The following PTPRS variants were observed in gnomAD, a reference collection of about 807,000 sequenced individuals.
PTPRS encodes the protein protein tyrosine phosphatase receptor type S.
A neutral mutation model predicts 215.3 loss-of-function variants in PTPRS; 63 were observed. That is an observed-to-expected ratio of 0.29 (90% CI 0.24 to 0.36). PTPRS has a LOEUF of 0.36. Ranked by LOEUF, PTPRS falls within the 10% of genes least tolerant of loss-of-function variation. The pLI, the probability that PTPRS is intolerant of heterozygous loss-of-function variation, is 1.00. For missense variants in PTPRS, 2,258 were observed against 2,825.8 expected (o/e 0.80, Z 4.56); for synonymous variants, 1,404 against 1,191.4 (o/e 1.18, Z -3.68).
At chr19:5,212,840 C>A (rs2041041853) in intron 30 of PTPRS, among the ~76,000 whole-genome samples, 1 of 111,644 alleles carries the variant, frequency 9.0e-6, no homozygotes, top group African/African-American at 3.7e-5. Flanking sequence ...GAAACTCCAT[C>A]TCAAAAAAAA....
intron 1 of PTPRS, among the ~76,000 whole-genome samples, chr19:5,314,992 C>G (rs1297936563): frequency 6.6e-6 from 1 of 152,182 alleles, no homozygotes; most frequent in Non-Finnish European, 1.5e-5. Context: ...TAGCGAGCAC[C>G]TACTATGCAC....
chr19:5,264,128 C>G (rs537039946), intron 5 of PTPRS, among the ~76,000 whole-genome samples: 1 of 127,494 alleles, frequency 7.8e-6, no homozygotes, highest in African/African-American at 2.7e-5. Context: ...CTGGACTGCC[C>G]GTCTGTGCCC....
intron 23 of PTPRS, 140 bp from the exon 24 acceptor site, chr19:5,218,938 G>T: frequency 1.1e-6 from 1 of 911,640 alleles, no homozygotes; most frequent in Non-Finnish European, 1.6e-6. Context: ...GGAAAATGGT[G>T]CTCATATTTC....
intron 1 of PTPRS, among the ~76,000 whole-genome samples, chr19:5,331,778 C>T (rs561565151): frequency 2.0e-5 from 3 of 152,328 alleles, no homozygotes; most frequent in East Asian, 1.9e-4. Flanking sequence ...CCCTGCCCCG[C>T]GGGACAGCCG....
At position 5,216,785 on chromosome 19, in the gene PTPRS, T is replaced by C. The variant is rs1224334808; in HGVS notation, c.4049-18A>G. ...GCCTGAATCTGCAAACAGCAAACAA[T>C]AAATAAATGAAAACATGCAGGGGGT... On this transcript the variant is annotated intron_variant, in intron 25 of 37. Transcript: ENST00000262963. 5.2e-6 allele frequency: 8 copies of C among 1,537,414 alleles called. No homozygotes were observed. Among genetic ancestry groups the C allele is most frequent in the East Asian group, 2.4e-5 (1 of 41,466 alleles).
chr19:5,225,049 C>T lies in PTPRS; in HGVS notation c.2494+678G>A, dbSNP rs149666294. On this transcript the variant is annotated intron_variant, in intron 17 of 37. Transcript: ENST00000262963. Reference sequence around the variant, plus strand: ...CTTTTTCTGGGCTGTGCCCTCCGCCCGGTGTACCCTCCCCTTACATCTTCA... The same window carrying T: ...CTTTTTCTGGGCTGTGCCCTCCGCCTGGTGTACCCTCCCCTTACATCTTCA... 1.0e-3 allele frequency among the ~76,000 whole-genome samples: 155 copies of T among 152,232 alleles called. 1 individual carries two copies. The highest frequency in any genetic ancestry group is 3.3e-3 in the African/African-American group (136 of 41,534).
intron 2 of PTPRS, among the ~76,000 whole-genome samples, chr19:5,275,140 G>A (rs1026625711): frequency 6.7e-6 from 1 of 150,342 alleles, no homozygotes; most frequent in African/African-American, 2.5e-5. Context: ...GTGTGATCTC[G>A]GCTCACTGCA....
intron 4 of PTPRS, among the ~76,000 whole-genome samples, chr19:5,271,364 C>T (rs955420768): frequency 3.3e-5 from 5 of 152,226 alleles, no homozygotes; most frequent in East Asian, 3.9e-4. Flanking sequence ...ACGGAATTAC[C>T]CCTTGTGGTG....
At chr19:5,329,049 G>A (rs985574450) in intron 1 of PTPRS, among the ~76,000 whole-genome samples, 2 of 152,202 alleles carry the variant, frequency 1.3e-5, no homozygotes, top group Non-Finnish European at 2.9e-5. Flanking sequence ...GCGGAGCTTA[G>A]GTCCTAAAGG....
At chr19:5,284,134 G>T (rs1040289018) in intron 2 of PTPRS, among the ~76,000 whole-genome samples, 3 of 146,650 alleles carry the variant, frequency 2.0e-5, no homozygotes, top group Non-Finnish European at 3.0e-5. Context: ...GCCGAGGCAG[G>T]AGGATCATGA....
intron 11 of PTPRS, among the ~76,000 whole-genome samples, chr19:5,243,123 CTCTTTTT>C (rs2044186521): frequency 6.6e-6 from 1 of 150,770 alleles, no homozygotes; most frequent in Admixed American, 6.6e-5. Context: ...CTGGCTAGCT[CTCTTTTT>C]TTTTTTTTTT....
intron 4 of PTPRS, among the ~76,000 whole-genome samples, chr19:5,266,258 C>CA (rs34102639): frequency 6.6e-6 from 1 of 150,982 alleles, no homozygotes; most frequent in African/African-American, 2.4e-5. Flanking sequence ...GACTCGGTCT[C>CA]AAAAAAAATC....
chr19:5,311,781 C>T (rs2049711655), intron 1 of PTPRS, among the ~76,000 whole-genome samples: 1 of 152,156 alleles, frequency 6.6e-6, no homozygotes, highest in South Asian at 2.1e-4. Context: ...TGGCTCACGC[C>T]TGTAATCCCA....
chr19:5,328,648 C>A (rs2050234499), intron 1 of PTPRS, among the ~76,000 whole-genome samples: 1 of 152,158 alleles, frequency 6.6e-6, no homozygotes, highest in Non-Finnish European at 1.5e-5. Context: ...GGCCTCCCTG[C>A]CCAAGGGCAG....
At chr19:5,316,553 C>T (rs545811975) in intron 1 of PTPRS, among the ~76,000 whole-genome samples, 12 of 152,260 alleles carry the variant, frequency 7.9e-5, no homozygotes, top group African/African-American at 1.7e-4. Context: ...CCACCACGCC[C>T]GGCTAATTTT....
At chr19:5,325,003 C>T (rs151091566) in intron 1 of PTPRS, among the ~76,000 whole-genome samples, 1 of 152,244 alleles carries the variant, frequency 6.6e-6, no homozygotes, top group African/African-American at 2.4e-5. Context: ...AGAAAAAGCA[C>T]AAATAAGGAA....
At chr19:5,252,765 T>C (rs1444584299) in intron 9 of PTPRS, among the ~76,000 whole-genome samples, 1 of 147,566 alleles carries the variant, frequency 6.8e-6, no homozygotes, top group Non-Finnish European at 1.5e-5. Context: ...TCCCAGCTAC[T>C]TGGGAGGCTG....
intron 5 of PTPRS, among the ~76,000 whole-genome samples, chr19:5,264,129 G>A (rs1415475242): frequency 6.5e-5 from 8 of 123,412 alleles, no homozygotes; most frequent in Admixed American, 4.3e-4. Context: ...TGGACTGCCC[G>A]TCTGTGCCCC....
intron 20 of PTPRS, 36 bp from the exon 21 acceptor site, chr19:5,220,389 G>C (rs761177032): frequency 4.5e-5 from 69 of 1,549,476 alleles, no homozygotes; most frequent in Non-Finnish European, 5.4e-5. Flanking sequence ...AGGGGCTGTC[G>C]ATAGGGATGA....
Sources: allele counts gnomAD v4.1 joint callset (sites outside exome capture counted in the v4.1 genomes callset), GRCh38; gene constraint gnomAD v4.1.1; transcripts MANE v1.5; gene names NCBI Gene and HGNC (gene_info 2026-07-23, HGNC 2026-07-21).